The following RPTOR variants were observed in gnomAD, a reference collection of about 807,000 sequenced individuals.
RPTOR encodes the protein regulatory associated protein of MTOR complex 1.
Under a neutral mutation model 169.9 loss-of-function variants are expected in RPTOR, and 21 were observed. The observed-to-expected ratio is 0.12, with a 90% confidence interval of 0.09 to 0.18. RPTOR has a LOEUF of 0.18. RPTOR is among the 10% of genes least tolerant of loss of function. The pLI is 1.00. For synonymous variants in RPTOR, 732 were observed against 753.2 expected, an observed-to-expected ratio of 0.97 and a Z score of 0.46; for missense variants, 1,133 against 1,855.9, an observed-to-expected ratio of 0.61 and a Z score of 7.16.
chr17:80,569,378 G>A (rs1228584751), intron 1 of RPTOR, among the ~76,000 whole-genome samples: 2 of 152,078 alleles, frequency 1.3e-5, no homozygotes, highest in Non-Finnish European at 2.9e-5. Context: ...AACAGGTCTA[G>A]GCCGGGCGTG....
intron 1 of RPTOR, among the ~76,000 whole-genome samples, chr17:80,581,517 A>C (rs995006289): frequency 2.1e-5 from 3 of 140,792 alleles, no homozygotes; most frequent in Admixed American, 2.1e-4. Flanking sequence ...CATGCCTGCT[A>C]TTCTCTGCAG....
chr17:80,951,214 C>T (rs9674454), intron 28 of RPTOR, among the ~76,000 whole-genome samples: 4 of 141,726 alleles, frequency 2.8e-5, no homozygotes, highest in Admixed American at 2.7e-4. Flanking sequence ...GGGTCCCTGA[C>T]ACCCCCAGAA....
chr17:80,594,349 C>T (rs1028313984), intron 1 of RPTOR, among the ~76,000 whole-genome samples: 1 of 152,222 alleles, frequency 6.6e-6, no homozygotes, highest in African/African-American at 2.4e-5. Flanking sequence ...ACCTTGGCCG[C>T]CCAAAGTGCT....
chr17:80,914,475 A>G (rs1222320385), intron 21 of RPTOR, among the ~76,000 whole-genome samples: 6 of 152,230 alleles, frequency 3.9e-5, no homozygotes, highest in Middle Eastern at 3.4e-3. Context: ...AGCTGCAGCC[A>G]CCCGGCATGG....
At position 80,820,438 on chromosome 17, in the gene RPTOR, C is replaced by T. The variant is rs1309721951; in HGVS notation, c.891-1763C>T. Among the ~76,000 whole-genome samples the T allele has an allele frequency of 6.6e-6, 1 of 152,212 alleles. No individual in the cohort carries two copies. The highest frequency in any genetic ancestry group is 1.5e-5 in the Non-Finnish European group (1 of 68,038). On this transcript the variant is annotated intron_variant, in intron 7 of 33. Transcript: ENST00000306801. This position sits in a 1 kb window ranked among gnomAD's most constrained non-coding sequence, Gnocchi z 4.1. ...CCTAGGGCTGTGTCCCGGGCAGCCA[C>T]CCCTGTTCGCGCTGGCGCTTGAGGG...
At chr17:80,908,352 C>G (rs919785995) in intron 20 of RPTOR, among the ~76,000 whole-genome samples, 1 of 152,156 alleles carries the variant, frequency 6.6e-6, no homozygotes, top group African/African-American at 2.4e-5. Flanking sequence ...ACAGGAAGCA[C>G]GTGGAGGTGG....
intron 4 of RPTOR, among the ~76,000 whole-genome samples, chr17:80,728,911 A>G (rs1019980199): frequency 1.4e-4 from 22 of 152,204 alleles, no homozygotes; most frequent in African/African-American, 5.3e-4. Context: ...GTGTTCTATT[A>G]TAGAGCAGTG....
chr17:80,892,679 G>A, intron 18 of RPTOR, 50 bp from the exon 19 acceptor site: 2 of 1,596,386 alleles, frequency 1.3e-6, no homozygotes, highest in Non-Finnish European at 1.7e-6. Context: ...AAGACACGCT[G>A]GCCTCCACCT....
At chr17:80,604,539 G>T (rs1451626115) in intron 1 of RPTOR, among the ~76,000 whole-genome samples, 1 of 152,212 alleles carries the variant, frequency 6.6e-6, no homozygotes, top group Non-Finnish European at 1.5e-5. Context: ...TGCTGTCCCT[G>T]TTGGTCCAGA....
intron 21 of RPTOR, among the ~76,000 whole-genome samples, chr17:80,910,623 G>A (rs987047274): frequency 6.6e-6 from 1 of 152,068 alleles, no homozygotes; most frequent in Non-Finnish European, 1.5e-5. Flanking sequence ...CTAGTCCATC[G>A]CTTTTTCCAA....
chr17:80,666,970 T>C (rs762089347), intron 3 of RPTOR, among the ~76,000 whole-genome samples: 1 of 152,202 alleles, frequency 6.6e-6, no homozygotes, highest in South Asian at 2.1e-4. Flanking sequence ...ACTCCAGGAA[T>C]TGTCTACTCA....
At chr17:80,868,412 G>A (rs976487534) in intron 13 of RPTOR, among the ~76,000 whole-genome samples, 2 of 152,170 alleles carry the variant, frequency 1.3e-5, no homozygotes, top group Admixed American at 6.6e-5. Flanking sequence ...TGCCAGAAAT[G>A]CAAACTGCAC....
At chr17:80,938,897 G>C (rs767364080) in intron 24 of RPTOR, among the ~76,000 whole-genome samples, 18 of 152,192 alleles carry the variant, frequency 1.2e-4, no homozygotes, top group Non-Finnish European at 1.9e-4. Flanking sequence ...ATTTGCACAT[G>C]ATAACCACCT....
intron 3 of RPTOR, among the ~76,000 whole-genome samples, chr17:80,694,413 G>A (rs537567172): frequency 1.3e-5 from 2 of 152,354 alleles, no homozygotes; most frequent in East Asian, 3.9e-4. Flanking sequence ...GCATTGCGTT[G>A]GTCGGCCTCC....
At chr17:80,577,092 C>T (rs986084754) in intron 1 of RPTOR, among the ~76,000 whole-genome samples, 4 of 150,122 alleles carry the variant, frequency 2.7e-5, no homozygotes, top group African/African-American at 9.8e-5. Context: ...AGTGCAGTGG[C>T]ACGATCTCAG....
intron 13 of RPTOR, among the ~76,000 whole-genome samples, chr17:80,869,872 G>A (rs1283896237): frequency 1.3e-5 from 2 of 152,206 alleles, no homozygotes; most frequent in Non-Finnish European, 2.9e-5. Context: ...TGTCCTTAGG[G>A]TCATGTGATG....
chr17:80,686,837 T>C (rs1269446245), intron 3 of RPTOR, among the ~76,000 whole-genome samples: 1 of 152,220 alleles, frequency 6.6e-6, no homozygotes. Flanking sequence ...CTGTTGGACC[T>C]GGGACCCTTC....
intron 10 of RPTOR, among the ~76,000 whole-genome samples, chr17:80,840,446 TCA>T (rs1567941967): frequency 7.7e-6 from 1 of 130,180 alleles, no homozygotes; most frequent in Non-Finnish European, 1.5e-5. Flanking sequence ...ACACGGCAGC[TCA>T]CTCTCTTTGC....
At chr17:80,739,376 G>A (rs2066463596) in intron 5 of RPTOR, among the ~76,000 whole-genome samples, 1 of 152,208 alleles carries the variant, frequency 6.6e-6, no homozygotes, top group African/African-American at 2.4e-5. Flanking sequence ...AAGTCCGTCT[G>A]CGCAGAAGGC....
Sources: allele counts gnomAD v4.1 joint callset (sites outside exome capture counted in the v4.1 genomes callset), GRCh38; gene constraint gnomAD v4.1.1; non-coding constraint Gnocchi (gnomAD v3.1); transcripts MANE v1.5; gene names NCBI Gene and HGNC (gene_info 2026-07-23, HGNC 2026-07-21).